The following PMS1 variants were observed in gnomAD, a reference collection of about 807,000 sequenced individuals.
PMS1 encodes PMS1 protein homolog 1.
A neutral mutation model predicts 93.1 loss-of-function variants in PMS1; 79 were observed. The ratio of observed to expected loss-of-function variants is 0.85; its 90% confidence interval spans 0.71 to 1.02. The LOEUF is 1.02. Among genes scored for constraint, PMS1 ranks in the 50% least tolerant of loss-of-function variants. PMS1 has a pLI of 0.00. For missense variants in PMS1, 1,064 were observed against 1,085.3 expected, an observed-to-expected ratio of 0.98 and a Z score of 0.28; for synonymous variants, 335 against 363.4, an observed-to-expected ratio of 0.92 and a Z score of 0.89.
At chr2:189,817,029 C>T (rs929935350) in intron 4 of PMS1, among the ~76,000 whole-genome samples, 5 of 152,020 alleles carry the variant, frequency 3.3e-5, no homozygotes, top group African/African-American at 1.2e-4. Context: ...ACCAAGGCAA[C>T]TTTGTTTCCC....
At chr2:189,847,189 T>C (rs935498973) in intron 6 of PMS1, among the ~76,000 whole-genome samples, 3 of 152,146 alleles carry the variant, frequency 2.0e-5, no homozygotes, top group Admixed American at 6.5e-5. Flanking sequence ...ATCTGTCCTT[T>C]ATCCTTACAA....
At chr2:189,876,783 T>C (rs1439814172) in intron 12 of PMS1, among the ~76,000 whole-genome samples, 1 of 147,782 alleles carries the variant, frequency 6.8e-6, no homozygotes, top group African/African-American at 2.5e-5. Flanking sequence ...TTTTTTTTTT[T>C]TTTTTTTTTG....
chr2:189,823,625 C>T (rs1429795928), intron 5 of PMS1, among the ~76,000 whole-genome samples: 1 of 152,056 alleles, frequency 6.6e-6, no homozygotes, highest in African/African-American at 2.4e-5. Context: ...ATATGTCTGC[C>T]GTGTTGCTCA....
At chr2:189,853,649 G>C (rs1376757133) in intron 7 of PMS1, among the ~76,000 whole-genome samples, 2 of 151,382 alleles carry the variant, frequency 1.3e-5, no homozygotes, top group Non-Finnish European at 2.9e-5. Context: ...CCAAGTATCT[G>C]GGATTACATG....
chr2:189,865,913 A>T (rs1173481478), intron 10 of PMS1, among the ~76,000 whole-genome samples: 2 of 152,212 alleles, frequency 1.3e-5, no homozygotes, highest in South Asian at 2.1e-4. Context: ...AAAATGTGTT[A>T]AAACTCTTGT....
intron 5 of PMS1, among the ~76,000 whole-genome samples, chr2:189,830,990 G>A (rs1183576173): frequency 6.6e-6 from 1 of 152,212 alleles, no homozygotes; most frequent in Non-Finnish European, 1.5e-5. Flanking sequence ...CAGTGGAGTA[G>A]GAACAACTCT....
At chr2:189,829,281 C>A (rs2106365059) in intron 5 of PMS1, among the ~76,000 whole-genome samples, 1 of 152,240 alleles carries the variant, frequency 6.6e-6, no homozygotes, top group Non-Finnish European at 1.5e-5. Context: ...CATAAATATA[C>A]CGTAGACCTT....
intron 5 of PMS1, among the ~76,000 whole-genome samples, chr2:189,826,224 C>T (rs1251168208): frequency 2.6e-5 from 4 of 152,116 alleles, no homozygotes; most frequent in Non-Finnish European, 2.9e-5. Flanking sequence ...GTTCCCCTCC[C>T]GCAATCCCAG....
chr2:189,814,945 A>T (rs991414412), intron 4 of PMS1, among the ~76,000 whole-genome samples: 3 of 151,930 alleles, frequency 2.0e-5, no homozygotes, highest in Non-Finnish European at 4.4e-5. Context: ...AAAAAATACA[A>T]AAAATTAGCC....
intron 5 of PMS1, among the ~76,000 whole-genome samples, chr2:189,830,151 G>A (rs1216446254): frequency 6.6e-6 from 1 of 152,108 alleles, no homozygotes; most frequent in Non-Finnish European, 1.5e-5. Context: ...TCTTACAGCT[G>A]TTCAGCCCTG....
chr2:189,866,936 G>C (rs2056712632), intron 10 of PMS1, among the ~76,000 whole-genome samples: 1 of 152,124 alleles, frequency 6.6e-6, no homozygotes, highest in Non-Finnish European at 1.5e-5. Flanking sequence ...TAGGATATTG[G>C]TTAGATGAAA....
At chr2:189,846,050 T>C (rs185802343) in intron 6 of PMS1, among the ~76,000 whole-genome samples, 274 of 152,176 alleles carry the variant, frequency 1.8e-3, no homozygotes, top group Non-Finnish European at 1.6e-3. Flanking sequence ...GAGGCATATC[T>C]TTAAGTAACT....
At chr2:189,869,022 C>T (rs566866881) in intron 11 of PMS1, among the ~76,000 whole-genome samples, 1 of 152,176 alleles carries the variant, frequency 6.6e-6, no homozygotes. Context: ...ATTTAATCTC[C>T]CTAATATCCT....
intron 3 of PMS1, among the ~76,000 whole-genome samples, chr2:189,803,803 G>A (rs953751233): frequency 2.6e-5 from 4 of 152,132 alleles, no homozygotes; most frequent in Non-Finnish European, 4.4e-5. Flanking sequence ...GCCATGAATT[G>A]CAAAGCATTT....
Position 189,876,652 on chromosome 2 carries a change from A to C in PMS1, c.2635-620A>C, listed in dbSNP as rs116380374. Among the ~76,000 whole-genome samples, 1,469 of 152,204 alleles carry C rather than the reference A, an allele frequency of 9.7e-3. 18 individuals carry two copies. The highest frequency in any genetic ancestry group is 0.033 in the African/African-American group (1,384 of 41,534). On this transcript the variant is annotated intron_variant, in intron 12 of 12. Transcript: ENST00000441310. Reference sequence around the variant, plus strand: ...TATTTTGAGACAAGGTCTTGCTCAAAAGCTGGAGGGCAGTGGCATGATCAC... The same window carrying C: ...TATTTTGAGACAAGGTCTTGCTCAACAGCTGGAGGGCAGTGGCATGATCAC...
chr2:189,802,225 A>G (rs540254409), intron 3 of PMS1, among the ~76,000 whole-genome samples: 1 of 152,340 alleles, frequency 6.6e-6, no homozygotes, highest in South Asian at 2.1e-4. Context: ...TATGCAGTCA[A>G]AAATTCACAT....
In PMS1 at chr2:189,867,826, C is replaced by T. The variant is rs762377532; in HGVS notation, c.2370C>T (p.Asp790=). 10 of 1,575,012 alleles carry T rather than the reference C, an allele frequency of 6.3e-6. No homozygotes were observed. The highest frequency in any genetic ancestry group is 2.7e-5 in the African/African-American group (2 of 74,054). ...TTTTTAATGGATCTCATTATTTAGA[C>T]GTTTTATATAAAATGACAGCAGATG... ...ESLFNGSHYL[D]VLYKMTADDQ... Residue 790 remains aspartate, a synonymous_variant, in exon 11 of 13, where the codon GAC becomes GAT. Transcript: ENST00000441310.
chr2:189,796,230 C>T (rs904849584), intron 3 of PMS1, among the ~76,000 whole-genome samples: 1 of 151,940 alleles, frequency 6.6e-6, no homozygotes, highest in Non-Finnish European at 1.5e-5. Context: ...TGGTGCCTCA[C>T]GTCTGTAGTC....
At chr2:189,808,036 T>C (rs536807402) in intron 4 of PMS1, among the ~76,000 whole-genome samples, 1 of 152,326 alleles carries the variant, frequency 6.6e-6, no homozygotes, top group East Asian at 1.9e-4. Context: ...TGATAGGTTT[T>C]GAGTGATTGA....
Sources: allele counts gnomAD v4.1 joint callset (sites outside exome capture counted in the v4.1 genomes callset), GRCh38; gene constraint gnomAD v4.1.1; transcripts MANE v1.5; gene names NCBI Gene and HGNC (gene_info 2026-07-23, HGNC 2026-07-21).